The following DPP6 variants were observed in gnomAD, a reference collection of about 807,000 sequenced individuals.
DPP6 encodes the protein dipeptidyl peptidase like 6, also known as A-type potassium channel modulatory protein DPP6.
Under a neutral mutation model 122.6 loss-of-function variants are expected in DPP6, and 69 were observed. The ratio of observed to expected loss-of-function variants is 0.56; its 90% CI spans 0.46 to 0.69. The LOEUF is 0.69. Ranked by LOEUF, DPP6 falls within the 30% of genes least tolerant of loss-of-function variation. The probability of loss-of-function intolerance (pLI) is 0.00; values close to 1 mark genes in which losing one functional copy is unlikely to be tolerated. For missense variants in DPP6, 928 were observed against 1,116.9 expected, an observed-to-expected ratio of 0.83 and a Z score of 2.41; for synonymous variants, 418 against 433.1, an observed-to-expected ratio of 0.97 and a Z score of 0.43.
intron 1 of DPP6, among the ~76,000 whole-genome samples, chr7:153,933,692 CT>C (rs1213069794): frequency 6.6e-6 from 1 of 151,966 alleles, no homozygotes; most frequent in Non-Finnish European, 1.5e-5. Context: ...TTCTCTCTCT[CT>C]CTCTCTCTCT....
intron 1 of DPP6, among the ~76,000 whole-genome samples, chr7:154,259,677 G>A (rs1176886564): frequency 6.6e-6 from 1 of 152,198 alleles, no homozygotes; most frequent in Non-Finnish European, 1.5e-5. Context: ...ATGTTTGGGT[G>A]TAAATCAAGT....
intron 1 of DPP6, among the ~76,000 whole-genome samples, chr7:154,081,566 G>C (rs79145247): frequency 7.0e-6 from 1 of 142,394 alleles, no homozygotes; most frequent in African/African-American, 2.7e-5. Flanking sequence ...CTGTGGCATG[G>C]AGTAGGCTGG....
rs573670665 is a variant in DPP6 at position 154,699,445 on chromosome 7, T to G, written c.763-28322T>G. Among the ~76,000 whole-genome samples the G allele has an allele frequency of 5.9e-5, 9 of 152,242 alleles. No individual in the cohort carries two copies. In the East Asian group the frequency reaches 1.7e-3, roughly 29 times the overall value. On this transcript the variant is annotated intron_variant, in intron 7 of 25. Coordinates refer to ENST00000377770, the MANE Select transcript of DPP6 (RefSeq NM_130797.4). Reference sequence around the variant, plus strand: ...CACTGCTTTCTACCAGTCAATAAATTTGTCAGTCCTCTGAAAGCTTTCAGA... The same window carrying G: ...CACTGCTTTCTACCAGTCAATAAATGTGTCAGTCCTCTGAAAGCTTTCAGA...
At chr7:154,070,746 T>C (rs936580476) in intron 1 of DPP6, among the ~76,000 whole-genome samples, 13 of 152,284 alleles carry the variant, frequency 8.5e-5, no homozygotes, top group African/African-American at 3.1e-4. Flanking sequence ...TTCACATCAT[T>C]TGGTTAATTG....
chr7:153,752,155 C>T, the DPP6 span, among the ~76,000 whole-genome samples: 2 of 152,284 alleles, frequency 1.3e-5, no homozygotes, highest in Admixed American at 6.5e-5. Flanking sequence ...ATTACTTTAC[C>T]TTTGAGCACC....
At chr7:154,884,919 C>T (rs1214592699) in intron 21 of DPP6, 2 of 152,556 alleles carry the variant, frequency 1.3e-5, no homozygotes, top group African/African-American at 2.4e-5. Flanking sequence ...CCCATATACT[C>T]ACACACACGC....
At chr7:153,798,807 A>T in the DPP6 span, among the ~76,000 whole-genome samples, 1 of 152,206 alleles carries the variant, frequency 6.6e-6, no homozygotes, top group South Asian at 2.1e-4. Flanking sequence ...AGACAGTCCC[A>T]CTGGGGGGTG....
chr7:154,130,829 A>T (rs1795234630), intron 1 of DPP6, among the ~76,000 whole-genome samples: 1 of 152,106 alleles, frequency 6.6e-6, no homozygotes, highest in African/African-American at 2.4e-5. Flanking sequence ...AATAAAAAAA[A>T]ATAAAGCAAG....
intron 1 of DPP6, among the ~76,000 whole-genome samples, chr7:154,427,272 G>A (rs2080184501): frequency 6.6e-6 from 1 of 152,140 alleles, no homozygotes; most frequent in Non-Finnish European, 1.5e-5. Flanking sequence ...TTTTGAAAAA[G>A]CTTGAGATTA....
intron 1 of DPP6, among the ~76,000 whole-genome samples, chr7:154,175,758 C>T (rs1015108136): frequency 7.1e-6 from 1 of 140,746 alleles, no homozygotes; most frequent in Non-Finnish European, 1.5e-5. Context: ...CTCGGTCTGT[C>T]GCCCAGGCTG....
chr7:153,832,417 A>G, the DPP6 span, among the ~76,000 whole-genome samples: 3 of 152,206 alleles, frequency 2.0e-5, no homozygotes, highest in Non-Finnish European at 4.4e-5. Flanking sequence ...TTTCAGTTGA[A>G]TGCTTCTAGA....
chr7:154,432,796 G>A (rs747141255), intron 1 of DPP6, among the ~76,000 whole-genome samples: 29 of 152,246 alleles, frequency 1.9e-4, no homozygotes, highest in Middle Eastern at 3.4e-3. Flanking sequence ...AGTTCTGTTC[G>A]ATAATGATGT....
intron 1 of DPP6, among the ~76,000 whole-genome samples, chr7:154,072,801 G>A (rs1375106105): frequency 1.3e-5 from 2 of 152,256 alleles, no homozygotes; most frequent in African/African-American, 2.4e-5. Flanking sequence ...GATGTCCCTG[G>A]TGGTTCCATC....
chr7:153,835,043 C>T, the DPP6 span, among the ~76,000 whole-genome samples: 1 of 152,118 alleles, frequency 6.6e-6, no homozygotes, highest in African/African-American at 2.4e-5. Context: ...ATGTAGGTGC[C>T]CCCTCATTCT....
At chr7:154,098,534 A>G (rs1805500948) in intron 1 of DPP6, among the ~76,000 whole-genome samples, 1 of 151,946 alleles carries the variant, frequency 6.6e-6, no homozygotes, top group Non-Finnish European at 1.5e-5. Flanking sequence ...AGAAGGAAAC[A>G]AAGACTTTGT....
chr7:153,871,797 C>A, the DPP6 span, among the ~76,000 whole-genome samples: 1 of 152,134 alleles, frequency 6.6e-6, no homozygotes, highest in Non-Finnish European at 1.5e-5. Flanking sequence ...TTGGCTCCAC[C>A]CCAAAAATAG....
chr7:153,919,747 C>A (rs1022512121), intron 1 of DPP6, among the ~76,000 whole-genome samples: 1 of 152,268 alleles, frequency 6.6e-6, no homozygotes, highest in African/African-American at 2.4e-5. Context: ...ATGAAAGCTT[C>A]GGCCTCTGTT....
intron 3 of DPP6, among the ~76,000 whole-genome samples, chr7:154,516,447 A>G (rs1374654868): frequency 6.6e-6 from 1 of 152,218 alleles, no homozygotes; most frequent in Admixed American, 6.5e-5. Flanking sequence ...GCAGTCTCCC[A>G]GGAGAAATTT....
intron 7 of DPP6, among the ~76,000 whole-genome samples, chr7:154,718,661 C>T (rs1841631585): frequency 9.4e-6 from 1 of 106,176 alleles, no homozygotes; most frequent in Non-Finnish European, 1.8e-5. Flanking sequence ...TTTTTTGAGA[C>T]TGAGTTTTGC....
Sources: allele counts gnomAD v4.1 joint callset (sites outside exome capture counted in the v4.1 genomes callset), GRCh38; gene constraint gnomAD v4.1.1; transcripts MANE v1.5; gene names NCBI Gene and HGNC (gene_info 2026-07-23, HGNC 2026-07-21).